The following ZNF426 variants were observed in gnomAD, a reference collection of about 807,000 sequenced individuals.
ZNF426 encodes the protein zinc finger protein 426.
In ZNF426, 23 loss-of-function variants were observed where a neutral mutation model predicts 24.0. The observed-to-expected ratio is 0.96, with a 90% CI of 0.69 to 1.36. The LOEUF (loss-of-function observed/expected upper bound fraction) is 1.36, where lower values mean the gene tolerates loss of function less well. ZNF426 is among the 40% of genes most tolerant of loss of function. The pLI is 0.00. For synonymous variants in ZNF426, 272 were observed against 224.6 expected (o/e 1.21, Z -1.89); for missense variants, 646 against 658.4 (o/e 0.98, Z 0.21).
At position 9,533,919 on chromosome 19, in the gene ZNF426, C is replaced by G. The variant is rs768062391; in HGVS notation, c.165G>C (p.Glu55Asp). Residue 55 changes from glutamate to aspartate, a missense_variant, in exon 5 of 8, where the codon GAG becomes GAC. By Grantham distance (45) the Glu-to-Asp change is conservative. Coordinates refer to ENST00000253115, the MANE Select transcript of ZNF426 (RefSeq NM_024106.3). ...DDVAVDFTQE[E>D]WTLLDSTQRS... ...TCTGAGTTGAGTCCAGTAAAGTCCACTCCTCCTGGGTGAAGTCCACAGCCA... is the reference window on the plus strand; with the variant it reads ...TCTGAGTTGAGTCCAGTAAAGTCCAGTCCTCCTGGGTGAAGTCCACAGCCA... 3.0e-5 allele frequency: 49 copies of G among 1,614,014 alleles called. No individual in the cohort carries two copies. The highest frequency in any genetic ancestry group is 2.5e-6 in the Non-Finnish European group (3 of 1,180,008).
rs1200352409 is a variant in ZNF426 at position 9,529,490 on chromosome 19, G to A, written c.555C>T (p.Thr185=). The A allele has an allele frequency of 1.2e-6, 2 of 1,613,752 alleles. No homozygotes were observed. The highest frequency in any genetic ancestry group is 2.2e-5 in the East Asian group (1 of 44,878). The change falls in exon 8 of 8, where the codon ACC becomes ACT. Residue 185 remains threonine (T), a synonymous_variant. Coordinates refer to ENST00000253115, the MANE Select transcript of ZNF426 (RefSeq NM_024106.3). The stretch of plus-strand genomic sequence containing the variant: ...CACCAGTAGAGGTTTTCTCACACAG[G>A]GTAAGGAAATCTTTTCCATACTGAT... The part of the protein sequence containing the change: ...DCNQYGKDFL[T]LCEKTSTGEK...
rs1360163354 is a variant in ZNF426, at chr19:9,530,998, A to G, written c.395T>C (p.Ile132Thr). ...TGCAAATCTTACCAATTGTATCCCAATGGATGTCTGACCCCTCAAAAAGTC... is the reference window on the plus strand; with the variant it reads ...TGCAAATCTTACCAATTGTATCCCAGTGGATGTCTGACCCCTCAAAAAGTC... ...QQDFLRGQTS[I>T]GIQLEGKHNG... The change falls in exon 7 of 8, where the codon ATT becomes ACT. Residue 132 changes from isoleucine to threonine, a missense_variant. Coordinates refer to ENST00000253115, the MANE Select transcript of ZNF426 (RefSeq NM_024106.3). The G allele has an allele frequency of 3.7e-6, 6 of 1,613,258 alleles. No homozygotes were observed. The South Asian group carries it at 4.4e-5, about 12-fold the overall frequency.
chr19:9,535,835 G>C (rs968687164), intron 3 of ZNF426, among the ~76,000 whole-genome samples: 4 of 102,960 alleles, frequency 3.9e-5, no homozygotes, highest in Non-Finnish European at 6.5e-5. Flanking sequence ...CTTTGTATAA[G>C]AAAAAAAAAA....
chr19:9,533,361 C>T (rs186131776), intron 5 of ZNF426, among the ~76,000 whole-genome samples: 1 of 152,218 alleles, frequency 6.6e-6, no homozygotes, highest in African/African-American at 2.4e-5. Context: ...GAGGCTGAGG[C>T]CCAAGAATCG....
intron 5 of ZNF426, 42 bp downstream of exon 5, chr19:9,533,798 A>G: frequency 1.9e-6 from 3 of 1,612,012 alleles, no homozygotes; most frequent in Non-Finnish European, 2.5e-6. Context: ...TACAAAACAT[A>G]TCAGTTCCAT....
chr19:9,529,556 C>T lies in ZNF426; in HGVS notation c.489G>A (p.Thr163=), dbSNP rs114914269. The T allele has an allele frequency of 9.8e-4, 1,578 of 1,609,974 alleles. 14 individuals carry two copies. In the African/African-American group the frequency reaches 0.015, roughly 15 times the overall value. The change falls in exon 8 of 8, where the codon ACG becomes ACA. Residue 163 remains threonine, a synonymous_variant. Coordinates refer to ENST00000253115, the MANE Select transcript of ZNF426 (RefSeq NM_024106.3). The part of the protein sequence containing the change: ...EVFSEHSCLK[T]HVRTQSTGNT... ...TCCCTGTACTTTGAGTTCTCACGTGCGTCTTAAGGCATGAGTGTTCACTGA... is the reference window on the plus strand; with the variant it reads ...TCCCTGTACTTTGAGTTCTCACGTGTGTCTTAAGGCATGAGTGTTCACTGA...
Position 9,529,626 on chromosome 19 carries a change from T to C in ZNF426, c.419A>G (p.His140Arg), listed in dbSNP as rs769928792. Residue 140 changes from histidine (H) to arginine (R), a missense_variant, in exon 8 of 8, where the codon CAC becomes CGC. Coordinates refer to ENST00000253115, the MANE Select transcript of ZNF426 (RefSeq NM_024106.3). Reference sequence around the variant, plus strand: ...ACAGTCACAGAGTTCCCTTCCATTGTGTTTTCCTTCCTGTTGAAGGGATGA... The same window carrying C: ...ACAGTCACAGAGTTCCCTTCCATTGCGTTTTCCTTCCTGTTGAAGGGATGA... ...TSIGIQLEGKHNGRELCDCEQ... is the reference protein window; with the variant it reads ...TSIGIQLEGKRNGRELCDCEQ... 1 of 1,590,128 alleles carries C rather than the reference T, an allele frequency of 6.3e-7. No homozygotes were observed. Among genetic ancestry groups the C allele is most frequent in the South Asian group, 1.1e-5 (1 of 88,262 alleles).
At chr19:9,532,168 A>G in intron 6 of ZNF426, among the ~76,000 whole-genome samples, 1 of 152,000 alleles carries the variant, frequency 6.6e-6, no homozygotes, top group East Asian at 1.9e-4. Flanking sequence ...ATTGGACAAA[A>G]GGATGATTCA....
In ZNF426 at chr19:9,529,281, C is replaced by A. The variant is rs747949960; in HGVS notation, c.764G>T (p.Arg255Met). 1.9e-6 allele frequency: 3 copies of A among 1,613,810 alleles called. No homozygotes were observed. The highest frequency in any genetic ancestry group is 2.5e-6 in the Non-Finnish European group (3 of 1,179,912). ...THNGEKLYEW[R>M]NYGPGFIDST... The stretch of plus-strand genomic sequence containing the variant: ...GTCAATAAAACCTGGCCCATAATTC[C>A]TCCATTCGTAGAGTTTTTCTCCATT... The change falls in exon 8 of 8, where the codon AGG becomes ATG. Residue 255 changes from arginine to methionine, a missense_variant. By Grantham distance (91) the Arg-to-Met change is moderately conservative. Transcript: ENST00000253115.
At chr19:9,533,074 C>A in intron 5 of ZNF426, 149 bp from the exon 6 acceptor site, 1 of 663,140 alleles carries the variant, frequency 1.5e-6, no homozygotes, top group African/African-American at 2.0e-5. Context: ...GTGCCCCAAA[C>A]AGTCTGGTTA....
intron 6 of ZNF426, among the ~76,000 whole-genome samples, chr19:9,532,416 T>C (rs1034440263): frequency 6.6e-6 from 1 of 151,390 alleles, no homozygotes; most frequent in South Asian, 2.1e-4. Flanking sequence ...CACAGCTCAG[T>C]CTCCTGAGTT....
rs763728751 is a variant in ZNF426 at position 9,529,067 on chromosome 19, A to C, written c.978T>G (p.His326Gln). ...GTTTCTCTCCAGTGTGAGTTCTTCCATGTATCTGAAATGAGTTGGAATAAT... is the reference window on the plus strand; with the variant it reads ...GTTTCTCTCCAGTGTGAGTTCTTCCCTGTATCTGAAATGAGTTGGAATAAT... ...AFNYSNSFQIHGRTHTGEKPY... is the reference protein window; with the variant it reads ...AFNYSNSFQIQGRTHTGEKPY... The change falls in exon 8 of 8, where the codon CAT becomes CAG. Residue 326 changes from histidine (H) to glutamine (Q), a missense_variant. Physicochemically the swap from His to Gln is conservative, Grantham distance 24. Coordinates refer to ENST00000253115, the MANE Select transcript of ZNF426 (RefSeq NM_024106.3). 6.2e-7 allele frequency: 1 copy of C among 1,613,570 alleles called. No homozygotes were observed. Among genetic ancestry groups the C allele is most frequent in the South Asian group, 1.1e-5 (1 of 91,022 alleles).
rs554856759 is a variant in ZNF426 at position 9,528,705 on chromosome 19, G to T, written c.1340C>A (p.Pro447Gln). The T allele has an allele frequency of 6.2e-7, 1 of 1,614,180 alleles. No homozygotes were observed. The change falls in exon 8 of 8, where the codon CCA (proline) becomes CAA (glutamine). Residue 447 changes from proline (P) to glutamine (Q), a missense_variant. Physicochemically the swap from Pro to Gln is moderately conservative, Grantham distance 76. Coordinates refer to ENST00000253115, the MANE Select transcript of ZNF426 (RefSeq NM_024106.3). ...NHMRTHSAQK[P>Q]YTCKECGKAF... ...CTTCCCACATTCCTTACAGGTGTAT[G>T]GTTTCTGGGCACTGTGCGTTCGCAT...
chr19:9,531,564 C>A (rs2073884070), intron 6 of ZNF426, among the ~76,000 whole-genome samples: 1 of 152,032 alleles, frequency 6.6e-6, no homozygotes. Flanking sequence ...TTGGCCAAGA[C>A]AAGGACATGG....
chr19:9,524,490 T>C lies in ZNF426; in HGVS notation c.*3890A>G, dbSNP rs2073771912. 6.6e-6 allele frequency: 1 copy of C among 152,208 alleles called. No individual in the cohort carries two copies. The highest frequency in any genetic ancestry group is 1.5e-5 in the Non-Finnish European group (1 of 68,044). The allele number at this position is 152,208 out of a possible 1,614,324, so 9.4% of individuals were successfully genotyped here. On this transcript the variant is annotated 3_prime_UTR_variant, in exon 8 of 8. Coordinates refer to ENST00000253115, the MANE Select transcript of ZNF426 (RefSeq NM_024106.3). ...ATGACATGGAAAGGGACTGTAAGAA[T>C]TGAAGAACTGGCTGGGCGTGATGGC...
Position 9,529,318 on chromosome 19 carries a change from T to C in ZNF426, c.727A>G (p.Met243Val). 1.2e-6 allele frequency: 2 copies of C among 1,614,190 alleles called. No individual in the cohort carries two copies. Among genetic ancestry groups the C allele is most frequent in the South Asian group, 1.1e-5 (1 of 91,068 alleles). Residue 243 changes from methionine to valine, a missense_variant, in exon 8 of 8, where the codon ATG becomes GTG. By Grantham distance (21) the Met-to-Val change is conservative (BLOSUM62 1). Coordinates refer to ENST00000253115, the MANE Select transcript of ZNF426 (RefSeq NM_024106.3). The stretch of plus-strand genomic sequence containing the variant: ...AGTTTTTCTCCATTGTGAGTTCTCA[T>C]ATGTGCCTGAAGGTATGACTCATTA... ...FINESYLQAHMRTHNGEKLYE... is the reference protein window; with the variant it reads ...FINESYLQAHVRTHNGEKLYE...
chr19:9,532,905 T>C lies in ZNF426; in HGVS notation c.265A>G (p.Ser89Gly), dbSNP rs2073908494. Residue 89 changes from serine to glycine, a missense_variant, in exon 6 of 8, where the codon AGT becomes GGT. Physicochemically the swap from Ser to Gly is moderately conservative, Grantham distance 56. Transcript: ENST00000253115. Reference sequence around the variant, plus strand: ...TCTTGTTCCAACCAAGAGATTAGACTGGGTTTGATGATCTGACCTCCTGAG... The same window carrying C: ...TCTTGTTCCAACCAAGAGATTAGACCGGGTTTGATGATCTGACCTCCTGAG... ...ATVGGQIIKP[S>G]LISWLEQEES... The C allele has an allele frequency of 2.5e-6, 4 of 1,614,032 alleles. No homozygotes were observed. Among genetic ancestry groups the C allele is most frequent in the African/African-American group, 2.7e-5 (2 of 75,054 alleles).
At chr19:9,531,712 C>G (rs113458959) in intron 6 of ZNF426, among the ~76,000 whole-genome samples, 15,393 of 152,186 alleles carry the variant, frequency 0.1, 909 homozygotes, top group South Asian at 0.2. Flanking sequence ...TGGCCGGGCA[C>G]GGTGGCTCAT....
chr19:9,535,349 T>C (rs2073950557), intron 3 of ZNF426, 70 bp from the exon 4 acceptor site: 3 of 1,096,336 alleles, frequency 2.7e-6, no homozygotes, highest in Non-Finnish European at 4.1e-6. Flanking sequence ...CTAGAGGTCA[T>C]TACCTCCTAG....
Sources: allele counts gnomAD v4.1 joint callset (sites outside exome capture counted in the v4.1 genomes callset), GRCh38; gene constraint gnomAD v4.1.1; transcripts MANE v1.5; gene names NCBI Gene and HGNC (gene_info 2026-07-23, HGNC 2026-07-21).